The following KCNMA1 variants were observed in gnomAD, a reference collection of about 807,000 sequenced individuals.
KCNMA1 encodes the protein Calcium-activated potassium channel subunit alpha-1.
Under a neutral mutation model 140.0 loss-of-function variants are expected in KCNMA1, and 29 were observed. The ratio of observed to expected loss-of-function variants is 0.21; its 90% CI spans 0.15 to 0.28. The LOEUF (loss-of-function observed/expected upper bound fraction) is 0.28. Ranked by LOEUF, KCNMA1 falls within the 10% of genes least tolerant of loss-of-function variation. The pLI, the probability that KCNMA1 is intolerant of heterozygous loss-of-function variation, is 1.00. For synonymous variants in KCNMA1, 612 were observed against 611.9 expected (o/e 1.00, Z 0.00); for missense variants, 880 against 1,602.2 (o/e 0.55, Z 7.70).
At chr10:77,631,108 A>C (rs1448015262) in intron 1 of KCNMA1, among the ~76,000 whole-genome samples, 1 of 118,938 alleles carries the variant, frequency 8.4e-6, no homozygotes, top group Non-Finnish European at 1.6e-5. Context: ...CCCTGTCCCA[A>C]AAAAAAAAAA....
chr10:77,002,094 C>G (rs1271608330), intron 18 of KCNMA1, among the ~76,000 whole-genome samples: 1 of 152,138 alleles, frequency 6.6e-6, no homozygotes, highest in East Asian at 1.9e-4. Context: ...GAGGCTGGGA[C>G]AAGCTTTCAT....
At chr10:77,068,352 T>C (rs1374026379) in intron 14 of KCNMA1, among the ~76,000 whole-genome samples, 1 of 152,206 alleles carries the variant, frequency 6.6e-6, no homozygotes, top group East Asian at 1.9e-4. Flanking sequence ...CAAGCACACA[T>C]ATACACATAA....
chr10:77,567,069 G>C (rs2068593081), intron 1 of KCNMA1, among the ~76,000 whole-genome samples: 1 of 152,032 alleles, frequency 6.6e-6, no homozygotes, highest in South Asian at 2.1e-4. Context: ...AGGCCCTGGG[G>C]GAGCCCTGGC....
At chr10:76,953,588 G>A (rs2067087522) in intron 21 of KCNMA1, among the ~76,000 whole-genome samples, 2 of 152,230 alleles carry the variant, frequency 1.3e-5, no homozygotes, top group East Asian at 1.9e-4. Flanking sequence ...CTCTTATGAG[G>A]AGCCAATATA....
At chr10:77,397,785 C>T (rs2096111386) in intron 2 of KCNMA1, among the ~76,000 whole-genome samples, 1 of 152,116 alleles carries the variant, frequency 6.6e-6, no homozygotes, top group Non-Finnish European at 1.5e-5. Flanking sequence ...TTCCACCATT[C>T]TGAGTCTCCA....
intron 1 of KCNMA1, among the ~76,000 whole-genome samples, chr10:77,523,210 C>A (rs987266637): frequency 6.7e-6 from 1 of 150,174 alleles, no homozygotes; most frequent in Non-Finnish European, 1.5e-5. Flanking sequence ...CGTGCCCCCC[C>A]CCCTTGCAAT....
At chr10:77,634,452 T>C in intron 1 of KCNMA1, 1 of 985,428 alleles carries the variant, frequency 1.0e-6, no homozygotes, top group South Asian at 4.7e-5. Context: ...ATGTCCACAG[T>C]CTTGGGTTCC....
chr10:77,339,616 T>C (rs1234398499), intron 2 of KCNMA1, among the ~76,000 whole-genome samples: 2 of 152,194 alleles, frequency 1.3e-5, no homozygotes, highest in Non-Finnish European at 2.9e-5. Context: ...AATGTTTCCC[T>C]CCACTAGGGG....
Position 76,939,667 on chromosome 10 carries a change from C to A in KCNMA1, c.2902+5106G>T, listed in dbSNP as rs184955869. 79 of 152,252 alleles carry A rather than the reference C, an allele frequency of 5.2e-4. 1 individual carries two copies. The East Asian group carries it at 0.013, about 25-fold the overall frequency. The allele number at this position is 152,252 out of a possible 1,614,324, so 9.4% of individuals were successfully genotyped here. ...GGAGAACAGCCATTTATTCCTTTTT[C>A]TTTTCCTTAGGAGTTACCTTTCATG... On this transcript the variant is annotated intron_variant, in intron 23 of 27. Transcript: ENST00000286628.
At chr10:77,584,035 T>C (rs1229423469) in intron 1 of KCNMA1, among the ~76,000 whole-genome samples, 1 of 152,244 alleles carries the variant, frequency 6.6e-6, no homozygotes, top group Non-Finnish European at 1.5e-5. Context: ...TCCTCTTTCA[T>C]ATGTCATGCT....
intron 1 of KCNMA1, among the ~76,000 whole-genome samples, chr10:77,542,235 A>T (rs1198384454): frequency 6.6e-6 from 1 of 152,322 alleles, no homozygotes; most frequent in African/African-American, 2.4e-5. Context: ...ACTGTTTGCA[A>T]ATCACCCAGT....
chr10:77,276,009 G>A lies in KCNMA1; in HGVS notation c.541-24753C>T, dbSNP rs868780041. Among the ~76,000 whole-genome samples the A allele has an allele frequency of 3.3e-4, 50 of 152,278 alleles. No homozygotes were observed. In the Middle Eastern group the frequency reaches 0.014, roughly 41 times the overall value. On this transcript the variant is annotated intron_variant, in intron 2 of 27. Coordinates refer to ENST00000286628, the MANE Select transcript of KCNMA1 (RefSeq NM_001161352.2). Reference sequence around the variant, plus strand: ...TGCCTCTGAACCTTCCTCAAACGGTGTCCCCCCTTCCTTGCCCTTGCCCCA... The same window carrying A: ...TGCCTCTGAACCTTCCTCAAACGGTATCCCCCCTTCCTTGCCCTTGCCCCA...
At chr10:77,060,508 C>A (rs1193294912) in intron 14 of KCNMA1, among the ~76,000 whole-genome samples, 1 of 149,934 alleles carries the variant, frequency 6.7e-6, no homozygotes, top group Non-Finnish European at 1.5e-5. Flanking sequence ...TTCACAGATC[C>A]AAAAATGGAG....
intron 1 of KCNMA1, among the ~76,000 whole-genome samples, chr10:77,482,258 C>T (rs755031024): frequency 6.6e-6 from 1 of 152,250 alleles, no homozygotes; most frequent in Non-Finnish European, 1.5e-5. Context: ...CCACAGGGCT[C>T]TGCTCAGCAC....
At chr10:77,116,532 G>A (rs914033992) in intron 6 of KCNMA1, among the ~76,000 whole-genome samples, 3 of 151,948 alleles carry the variant, frequency 2.0e-5, no homozygotes, top group African/African-American at 4.8e-5. Flanking sequence ...ACTGCCAGGT[G>A]CTGCTGGCCT....
At chr10:76,985,972 T>C (rs2081161474) in intron 19 of KCNMA1, among the ~76,000 whole-genome samples, 1 of 152,236 alleles carries the variant, frequency 6.6e-6, no homozygotes, top group Non-Finnish European at 1.5e-5. Flanking sequence ...ATAGGGATTG[T>C]GTTTCTCACT....
chr10:77,033,382 G>C (rs2094087470), intron 15 of KCNMA1, among the ~76,000 whole-genome samples: 1 of 151,898 alleles, frequency 6.6e-6, no homozygotes, highest in Non-Finnish European at 1.5e-5. Flanking sequence ...AGTGGAGTGG[G>C]AAGGTTTCAG....
chr10:77,280,966 A>C (rs1411147835), intron 2 of KCNMA1, among the ~76,000 whole-genome samples: 1 of 152,206 alleles, frequency 6.6e-6, no homozygotes, highest in Non-Finnish European at 1.5e-5. Context: ...ATACCAATTC[A>C]ATCTCAGAAA....
intron 20 of KCNMA1, among the ~76,000 whole-genome samples, chr10:76,963,637 G>T (rs1009560219): frequency 1.3e-5 from 2 of 152,144 alleles, no homozygotes; most frequent in Non-Finnish European, 1.5e-5. Flanking sequence ...TGTGGAACTC[G>T]AGGCATTGTG....
Sources: allele counts gnomAD v4.1 joint callset (sites outside exome capture counted in the v4.1 genomes callset), GRCh38; gene constraint gnomAD v4.1.1; transcripts MANE v1.5; gene names NCBI Gene and HGNC (gene_info 2026-07-23, HGNC 2026-07-21).